The following ITGAE variants were observed in gnomAD, a reference collection of about 807,000 sequenced individuals.
ITGAE encodes the protein integrin subunit alpha E, also known as integrin alpha-E.
A neutral mutation model predicts 136.5 loss-of-function variants in ITGAE; 99 were observed. That is an observed-to-expected ratio of 0.73 (90% CI 0.62 to 0.86). The LOEUF (loss-of-function observed/expected upper bound fraction) is 0.86, where lower values mean the gene tolerates loss of function less well. Among genes scored for constraint, ITGAE ranks in the 40% least tolerant of loss-of-function variants. ITGAE has a pLI of 0.00. For synonymous variants in ITGAE, 613 were observed against 591.8 expected (o/e 1.04, Z -0.52); for missense variants, 1,447 against 1,515.3 (o/e 0.95, Z 0.75).
rs964140160 is a variant in ITGAE at position 3,772,973 on chromosome 17, G to A, written c.155+4567C>T. 2.0e-5 allele frequency among the ~76,000 whole-genome samples: 3 copies of A among 152,082 alleles called. No individual in the cohort carries two copies. The South Asian group carries it at 6.2e-4, about 32-fold the overall frequency. On this transcript the variant is annotated intron_variant, in intron 2 of 30. Transcript: ENST00000263087. ...AGGTCCTCACGTTCAACTCAATTCCGACATGCTCCACCTGGAGGTAGCATC... is the reference window on the plus strand; with the variant it reads ...AGGTCCTCACGTTCAACTCAATTCCAACATGCTCCACCTGGAGGTAGCATC...
intron 2 of ITGAE, among the ~76,000 whole-genome samples, chr17:3,769,821 C>G (rs1382883997): frequency 6.6e-6 from 1 of 151,808 alleles, no homozygotes; most frequent in Admixed American, 6.6e-5. Flanking sequence ...TCCTGAGTAG[C>G]TGGGATTACA....
At chr17:3,781,095 C>T (rs768148241) in intron 1 of ITGAE, among the ~76,000 whole-genome samples, 2 of 152,146 alleles carry the variant, frequency 1.3e-5, no homozygotes, top group African/African-American at 4.8e-5. Flanking sequence ...TTTCATGAAA[C>T]GATATTACTT....
chr17:3,725,132 G>A (rs373881680), intron 26 of ITGAE: 127 of 1,614,058 alleles, frequency 7.9e-5, no homozygotes, highest in Non-Finnish European at 1.1e-4. Context: ...TGACTGATGT[G>A]TCAGAGGTCT....
At chr17:3,753,166 G>A in intron 14 of ITGAE, 124 bp downstream of exon 14, 1 of 1,070,104 alleles carries the variant, frequency 9.3e-7, no homozygotes, top group Non-Finnish European at 1.3e-6. Context: ...CATCCAGCCT[G>A]AGCACCTCCC....
chr17:3,792,572 A>G (rs950993249), intron 1 of ITGAE, among the ~76,000 whole-genome samples: 1 of 152,232 alleles, frequency 6.6e-6, no homozygotes, highest in South Asian at 2.1e-4. Context: ...GTTTAAAAAA[A>G]GAGGGGGATA....
intron 1 of ITGAE, among the ~76,000 whole-genome samples, chr17:3,790,429 C>T (rs753202775): frequency 3.3e-5 from 5 of 151,906 alleles, no homozygotes; most frequent in East Asian, 1.9e-4. Flanking sequence ...CTCGCTTGAA[C>T]CTGGGAGGCG....
At chr17:3,729,682 C>T (rs1407502351) in intron 23 of ITGAE, 127 bp from the exon 24 acceptor site, 15 of 693,366 alleles carry the variant, frequency 2.2e-5, no homozygotes, top group Middle Eastern at 7.6e-4. Flanking sequence ...GCAACCTCCG[C>T]CCCCCGGGTT....
chr17:3,746,110 C>T lies in ITGAE; in HGVS notation c.2156-183G>A, dbSNP rs201092766. 3.9e-5 allele frequency among the ~76,000 whole-genome samples: 6 copies of T among 152,224 alleles called. No homozygotes were observed. The East Asian group carries it at 7.7e-4, about 20-fold the overall frequency. ...TATTTTTCTCACCGTCTTCTGACAC[C>T]TGACCAGGGTCTCTGAGTGCTCCCG... On this transcript the variant is annotated intron_variant, in intron 17 of 30. Coordinates refer to ENST00000263087, the MANE Select transcript of ITGAE (RefSeq NM_002208.5).
chr17:3,744,417 G>A (rs1255916924), intron 18 of ITGAE, among the ~76,000 whole-genome samples: 3 of 150,646 alleles, frequency 2.0e-5, no homozygotes, highest in Non-Finnish European at 4.4e-5. Context: ...AAGAGTCACA[G>A]CCACACCTGG....
rs768982291 is a variant in ITGAE, at chr17:3,755,187, G to A, written c.1314C>T (p.Arg438=). The change falls in exon 12 of 31, where the codon CGC becomes CGT. Residue 438 remains arginine, a synonymous_variant. Coordinates refer to ENST00000263087, the MANE Select transcript of ITGAE (RefSeq NM_002208.5). ...GGALLYDTRS[R]RGRFLNQTAA... is the part of the protein sequence containing the mutation. The stretch of plus-strand genomic sequence containing the variant: ...CTGTCTGGTTCAGGAAGCGGCCCCG[G>A]CGGCTGCGTGTGTCGTAGAGCAACG... 8.9e-6 allele frequency: 14 copies of A among 1,577,170 alleles called. No homozygotes were observed. The African/African-American group carries it at 1.8e-4, about 20-fold the overall frequency.
chr17:3,755,457 A>G (rs2051997549), intron 11 of ITGAE, among the ~76,000 whole-genome samples, 196 bp from the exon 12 acceptor site: 1 of 151,816 alleles, frequency 6.6e-6, no homozygotes, highest in African/African-American at 2.4e-5. Flanking sequence ...GTGCCCTTGC[A>G]CTCCCTCCTC....
intron 3 of ITGAE, among the ~76,000 whole-genome samples, chr17:3,762,493 C>A (rs2052197213): frequency 6.6e-6 from 1 of 152,062 alleles, no homozygotes; most frequent in African/African-American, 2.4e-5. Flanking sequence ...CACTGTCAGC[C>A]TCAGGATACT....
At chr17:3,797,416 TG>T (rs1207294851) in intron 1 of ITGAE, among the ~76,000 whole-genome samples, 1 of 150,446 alleles carries the variant, frequency 6.6e-6, no homozygotes, top group Non-Finnish European at 1.5e-5. Flanking sequence ...CTGCCCACCT[TG>T]GCCTCCTAAA....
intron 20 of ITGAE, among the ~76,000 whole-genome samples, chr17:3,736,760 T>C (rs1029416572): frequency 5.9e-5 from 9 of 152,080 alleles, no homozygotes; most frequent in Admixed American, 2.0e-4. Context: ...ATCTGAAATG[T>C]CCAAAGATGA....
intron 28 of ITGAE, 183 bp from the exon 29 acceptor site, chr17:3,720,585 T>A: frequency 4.3e-5 from 1 of 23,490 alleles, no homozygotes; most frequent in Non-Finnish European, 9.7e-5. Context: ...TTCAACTTCC[T>A]TTTTTTTTTT....
intron 16 of ITGAE, among the ~76,000 whole-genome samples, chr17:3,749,711 G>A (rs765225103): frequency 6.6e-6 from 1 of 152,022 alleles, no homozygotes; most frequent in Non-Finnish European, 1.5e-5. Flanking sequence ...ACTGAGGGAT[G>A]GGGCACAAAA....
rs1274700552 is a variant in ITGAE, at chr17:3,755,213, C to A, written c.1288G>T (p.Ala430Ser). The change falls in exon 12 of 31, where the codon GCG (alanine) becomes TCG (serine). Residue 430 changes from alanine (A) to serine (S), a missense_variant. Physicochemically the swap from Ala to Ser is moderately conservative, Grantham distance 99. Transcript: ENST00000263087. ...AVGAFDWSGG[A>S]LLYDTRSRRG... ...CGGCTGCGTGTGTCGTAGAGCAACG[C>A]CCCTCCGGACCAGTCAAAGGCCCCG... The A allele has an allele frequency of 1.1e-5, 18 of 1,576,258 alleles. No homozygotes were observed. In the Middle Eastern group the frequency reaches 5.0e-4, roughly 44 times the overall value.
intron 26 of ITGAE, 139 bp from the exon 27 acceptor site, chr17:3,723,883 T>C (rs1345740743): frequency 6.6e-7 from 1 of 1,521,356 alleles, no homozygotes. Flanking sequence ...CGCGTCCGCG[T>C]CGCACGGAAG....
rs554689654 is a variant in ITGAE, at chr17:3,739,137, C to T, written c.2522+668G>A. On this transcript the variant is annotated intron_variant, in intron 20 of 30. Coordinates refer to ENST00000263087, the MANE Select transcript of ITGAE (RefSeq NM_002208.5). The stretch of plus-strand genomic sequence containing the variant: ...TACCTGCAGCTGCTCTTCCCTTAGA[C>T]ACCCAACCACATAGCTCGTTCCCCT... Among the ~76,000 whole-genome samples, 137 of 152,158 alleles carry T rather than the reference C, an allele frequency of 9.0e-4. 2 individuals are homozygous for T. The highest frequency in any genetic ancestry group is 3.2e-3 in the African/African-American group (133 of 41,516).
Sources: allele counts gnomAD v4.1 joint callset (sites outside exome capture counted in the v4.1 genomes callset), GRCh38; gene constraint gnomAD v4.1.1; transcripts MANE v1.5; gene names NCBI Gene and HGNC (gene_info 2026-07-23, HGNC 2026-07-21).